DLC1: variants seen among roughly 807,000 people sequenced by gnomAD.
The protein encoded by DLC1 is rho GTPase-activating protein 7.
Under a neutral mutation model 140.3 loss-of-function variants are expected in DLC1, and 54 were observed. The observed-to-expected ratio is 0.38, with a 90% CI of 0.31 to 0.48. The LOEUF is 0.48. Among genes scored for constraint, DLC1 ranks in the 20% least tolerant of loss-of-function variants. The pLI, the probability that DLC1 is intolerant of heterozygous loss-of-function variation, is 0.96. For missense variants in DLC1, 2,536 were observed against 1,907.0 expected (o/e 1.33, Z -6.14); for synonymous variants, 986 against 728.1 (o/e 1.35, Z -5.70).
chr8:13,168,716 T>A (rs972113516), intron 5 of DLC1, among the ~76,000 whole-genome samples: 1 of 152,218 alleles, frequency 6.6e-6, no homozygotes, highest in Non-Finnish European at 1.5e-5. Context: ...GTTTTGCATT[T>A]GCTGTTTAAA....
chr8:13,198,809 T>A (rs1220355412), intron 5 of DLC1, among the ~76,000 whole-genome samples: 1 of 151,514 alleles, frequency 6.6e-6, no homozygotes, highest in Non-Finnish European at 1.5e-5. Context: ...CCCTACCTCC[T>A]GGGTTCAAGC....
At chr8:13,353,864 A>G (rs566892836) in intron 4 of DLC1, among the ~76,000 whole-genome samples, 34 of 152,174 alleles carry the variant, frequency 2.2e-4, no homozygotes, top group Admixed American at 6.5e-4. Context: ...TCTGGAAAAA[A>G]AAAAAAAAAG....
intron 2 of DLC1, among the ~76,000 whole-genome samples, chr8:13,477,423 C>A (rs1800484098): frequency 6.6e-6 from 1 of 152,128 alleles, no homozygotes; most frequent in Non-Finnish European, 1.5e-5. Context: ...CACGGATGTA[C>A]ATTGTATTTC....
intron 1 of DLC1, among the ~76,000 whole-genome samples, chr8:13,524,755 A>G (rs1378813500): frequency 6.8e-6 from 1 of 147,056 alleles, no homozygotes. Context: ...CTTCTTTTTC[A>G]TTTTTTCAAT....
chr8:13,116,096 G>C, intron 5 of DLC1: 3 of 964,562 alleles, frequency 3.1e-6, no homozygotes, highest in Non-Finnish European at 2.5e-6. Flanking sequence ...TCTGAGTAAA[G>C]TCACAGGCTT....
At chr8:13,554,996 C>T (rs1006940742) in intron 1 of DLC1, among the ~76,000 whole-genome samples, 1 of 152,222 alleles carries the variant, frequency 6.6e-6, no homozygotes, top group African/African-American at 2.4e-5. Flanking sequence ...TTTCTTTAAA[C>T]ATGTTAAGCA....
rs114795125 is a variant in DLC1 at position 13,134,256 on chromosome 8, T to G, written c.1349-18599A>C. 4.0e-3 allele frequency among the ~76,000 whole-genome samples: 614 copies of G among 152,336 alleles called. 3 individuals carry two copies. Among genetic ancestry groups the G allele is most frequent in the African/African-American group, 0.014 (574 of 41,582 alleles). The stretch of plus-strand genomic sequence containing the variant: ...CCATGAAAATTTACTTCGGGGTTAA[T>G]TGATGTTTTTGCCTGCTATCTCTGG... On this transcript the variant is annotated intron_variant, in intron 5 of 17. Coordinates refer to ENST00000276297, the MANE Select transcript of DLC1 (RefSeq NM_182643.3).
intron 4 of DLC1, among the ~76,000 whole-genome samples, chr8:13,373,228 T>G (rs1232680853): frequency 6.6e-6 from 1 of 152,168 alleles, no homozygotes; most frequent in Non-Finnish European, 1.5e-5. Flanking sequence ...TGAATCTTTT[T>G]CTTAATCCTT....
intron 4 of DLC1, among the ~76,000 whole-genome samples, chr8:13,364,279 C>A (rs1415979311): frequency 6.6e-6 from 1 of 150,734 alleles, no homozygotes; most frequent in Non-Finnish European, 1.5e-5. Flanking sequence ...TTTTAAGTTT[C>A]CAGTTCTCTG....
intron 14 of DLC1, 137 bp downstream of exon 14, chr8:13,091,181 A>C: frequency 4.5e-6 from 3 of 671,652 alleles, no homozygotes; most frequent in Non-Finnish European, 7.6e-6. Flanking sequence ...TATGTAAATA[A>C]GACATTCTCA....
At chr8:13,547,358 G>A (rs532691789) in intron 1 of DLC1, among the ~76,000 whole-genome samples, 20 of 151,932 alleles carry the variant, frequency 1.3e-4, no homozygotes, top group Admixed American at 2.6e-4. Flanking sequence ...GGGTTCTCTT[G>A]TAATGGACTC....
intron 5 of DLC1, among the ~76,000 whole-genome samples, chr8:13,116,460 T>C (rs1014477631): frequency 1.3e-5 from 2 of 152,136 alleles, no homozygotes; most frequent in Non-Finnish European, 2.9e-5. Flanking sequence ...ACAAAGAATA[T>C]TCCTTTCAAC....
chr8:13,520,623 A>T (rs889308712), intron 1 of DLC1, among the ~76,000 whole-genome samples: 6 of 152,012 alleles, frequency 3.9e-5, no homozygotes, highest in Admixed American at 2.6e-4. Flanking sequence ...AAGTATAATT[A>T]AAAAAAGAAA....
chr8:13,488,647 A>C (rs1370775551), intron 2 of DLC1, among the ~76,000 whole-genome samples: 1 of 152,230 alleles, frequency 6.6e-6, no homozygotes, highest in Non-Finnish European at 1.5e-5. Context: ...CCATCTGGAA[A>C]GGGATCCTCC....
chr8:13,216,111 C>T (rs1828189972), intron 5 of DLC1, among the ~76,000 whole-genome samples: 1 of 152,182 alleles, frequency 6.6e-6, no homozygotes, highest in South Asian at 2.1e-4. Flanking sequence ...CAGATGGTCT[C>T]ATCAGACCCA....
chr8:13,396,125 T>C (rs1352864860), intron 3 of DLC1, among the ~76,000 whole-genome samples: 6 of 148,610 alleles, frequency 4.0e-5, no homozygotes, highest in Non-Finnish European at 8.9e-5. Flanking sequence ...AGTGGTGCGA[T>C]CTCTGCTCAC....
intron 7 of DLC1, among the ~76,000 whole-genome samples, chr8:13,110,025 T>C (rs952143826): frequency 6.6e-6 from 1 of 152,174 alleles, no homozygotes; most frequent in African/African-American, 2.4e-5. Context: ...AATTCAGCTT[T>C]TAGGGATTTT....
In DLC1 at chr8:13,527,505, C is replaced by T. The variant is rs568258018; in HGVS notation, c.-125-27309G>A. Among the ~76,000 whole-genome samples, 194 of 152,068 alleles carry T rather than the reference C, an allele frequency of 1.3e-3. 1 individual carries two copies. The highest frequency in any genetic ancestry group is 2.0e-3 in the Non-Finnish European group (137 of 67,952). ...TTTAATTTGCGGATATTAAGGAAAA[C>T]GATGTTATGTTCAAAGGGGATAACT... On this transcript the variant is annotated intron_variant, in intron 1 of 1. Transcript: ENST00000631382.
chr8:13,148,119 A>ATT (rs71541608), intron 5 of DLC1, among the ~76,000 whole-genome samples: 20 of 149,716 alleles, frequency 1.3e-4, no homozygotes, highest in African/African-American at 3.9e-4. Flanking sequence ...AAGATGTTTG[A>ATT]TTTTTTTTTT....
Sources: allele counts gnomAD v4.1 joint callset (sites outside exome capture counted in the v4.1 genomes callset), GRCh38; gene constraint gnomAD v4.1.1; transcripts MANE v1.5; gene names NCBI Gene and HGNC (gene_info 2026-07-23, HGNC 2026-07-21).